CA5B: variants seen among roughly 807,000 people sequenced by gnomAD.
CA5B encodes the protein carbonic anhydrase 5B, mitochondrial.
Under a neutral mutation model 23.1 loss-of-function variants are expected in CA5B, and 15 were observed. That is an observed-to-expected ratio of 0.65 (90% CI 0.43 to 1.00). CA5B has a LOEUF of 1.00. CA5B is among the 50% of genes least tolerant of loss of function. The pLI, the probability that CA5B is intolerant of heterozygous loss-of-function variation, is 0.00. For synonymous variants in CA5B, 84 were observed against 98.5 expected (o/e 0.85, Z 0.87); for missense variants, 236 against 252.2 (o/e 0.94, Z 0.43).
At chrX:15,780,248 T>C (rs755261528) in intron 7 of CA5B, among the ~76,000 whole-genome samples, 1 of 106,876 alleles carries the variant, frequency 9.4e-6, no homozygotes, top group Non-Finnish European at 1.9e-5. Context: ...ACCATTTTGC[T>C]GCTCTTTTCA....
chrX:15,757,639 T>C (rs1218676664), intron 2 of CA5B, among the ~76,000 whole-genome samples: 5 of 102,408 alleles, frequency 4.9e-5, no homozygotes, highest in Non-Finnish European at 9.9e-5. Flanking sequence ...ACGCAGGAGG[T>C]GGAGGTTGCA....
intron 2 of CA5B, among the ~76,000 whole-genome samples, chrX:15,758,949 G>A (rs1350365063): frequency 9.0e-6 from 1 of 111,727 alleles, no homozygotes; most frequent in African/African-American, 3.3e-5. Flanking sequence ...AGACACATAC[G>A]CATATAATTA....
chrX:15,752,437 A>G (rs1170381037), intron 2 of CA5B, among the ~76,000 whole-genome samples: 1 of 112,344 alleles, frequency 8.9e-6, no homozygotes, highest in Admixed American at 9.4e-5. Flanking sequence ...TCTGTAAAGA[A>G]TCTCTGGGCC....
intron 1 of CA5B, among the ~76,000 whole-genome samples, chrX:15,743,656 G>A (rs752085269): frequency 8.9e-6 from 1 of 111,850 alleles, no homozygotes; most frequent in Non-Finnish European, 1.9e-5. Flanking sequence ...AACCATCACT[G>A]CTTTCTCCTG....
intron 3 of CA5B, among the ~76,000 whole-genome samples, chrX:15,768,306 C>T (rs767623970): frequency 9.0e-6 from 1 of 111,093 alleles, no homozygotes; most frequent in South Asian, 3.9e-4. Context: ...CCGAGCCAGG[C>T]CTCAAGAATT....
chrX:15,769,240 G>A (rs1160629084), intron 3 of CA5B, among the ~76,000 whole-genome samples: 3 of 111,437 alleles, frequency 2.7e-5, no homozygotes, highest in African/African-American at 9.8e-5. Flanking sequence ...CTAAACTCTG[G>A]AATGAAAGAG....
chrX:15,760,613 G>A (rs1416865942), intron 2 of CA5B, among the ~76,000 whole-genome samples: 1 of 111,494 alleles, frequency 9.0e-6, no homozygotes, highest in Non-Finnish European at 1.9e-5. Context: ...GATGACCAAG[G>A]CGTCGTCTTA....
At chrX:15,763,530 C>T (rs1931646223) in intron 2 of CA5B, among the ~76,000 whole-genome samples, 1 of 112,168 alleles carries the variant, frequency 8.9e-6, no homozygotes, top group African/African-American at 3.2e-5. Flanking sequence ...TGCAAGATGC[C>T]AAAATGCTAT....
At chrX:15,743,510 A>G (rs939487049) in intron 1 of CA5B, among the ~76,000 whole-genome samples, 4 of 112,184 alleles carry the variant, frequency 3.6e-5, no homozygotes, top group South Asian at 3.7e-4. Context: ...TAGATGTTCA[A>G]TTGATATCTT....
chrX:15,788,034 A>C lies in CA5B; in HGVS notation c.*5370A>C, dbSNP rs1039857039. Reference sequence around the variant, plus strand: ...GCAATTCTCAGCGTAAATTCTGATCACAGGGACCAGCAAAATTGGTGAGTT... The same window carrying C: ...GCAATTCTCAGCGTAAATTCTGATCCCAGGGACCAGCAAAATTGGTGAGTT... On this transcript the variant is annotated 3_prime_UTR_variant, in exon 8 of 8. Transcript: ENST00000318636. The C allele has an allele frequency of 4.4e-5, 5 of 112,669 alleles. No individual in the cohort carries two copies. The highest frequency in any genetic ancestry group is 1.6e-4 in the African/African-American group (5 of 31,034). 9.3% of individuals were successfully genotyped at this position (112,669 alleles called of 1,213,427 possible). A position where few individuals can be genotyped will look rare whatever the true frequency, so the allele number is the denominator to read the frequency against.
rs900384673 is a variant in CA5B at position 15,748,712 on chromosome X, C to A, written c.-53-1259C>A. Reference sequence around the variant, plus strand: ...AGCCCAGGTAATATAGTGAGAACCCCCCCCCCCGCCCCCGCCAACCCCCAT... The same window carrying A: ...AGCCCAGGTAATATAGTGAGAACCCACCCCCCCGCCCCCGCCAACCCCCAT... On this transcript the variant is annotated intron_variant, in intron 1 of 7. Transcript: ENST00000318636. 7.0e-3 allele frequency among the ~76,000 whole-genome samples: 570 copies of A among 81,444 alleles called. 15 individuals carry two copies. Among genetic ancestry groups the A allele is most frequent in the African/African-American group, 0.026 (554 of 21,034 alleles). The allele number at this position is 81,444 out of a possible 115,157, so 70.7% of individuals were successfully genotyped here. A position where few individuals can be genotyped will look rare whatever the true frequency, so the allele number is the denominator to read the frequency against.
chrX:15,739,776 C>G (rs1226926356), intron 1 of CA5B, among the ~76,000 whole-genome samples: 1 of 111,473 alleles, frequency 9.0e-6, no homozygotes, highest in Admixed American at 9.6e-5. Flanking sequence ...GATCATGCTC[C>G]CAGGGAAGAA....
chrX:15,775,624 C>G, intron 6 of CA5B: 1 of 803,590 alleles, frequency 1.2e-6, no homozygotes, highest in Non-Finnish European at 1.5e-6. Flanking sequence ...TGTTCTGTAG[C>G]TGCCATCCCA....
chrX:15,783,016 C>A lies in CA5B; in HGVS notation c.*352C>A. ...GCCTTAGCCTCTAGAGTAGCTGGGG[C>A]TACAGGTGCTGGCCGCCTGGCCCAG... On this transcript the variant is annotated 3_prime_UTR_variant, in exon 8 of 8. Transcript: ENST00000318636. 1 of 180,940 alleles carries A rather than the reference C, an allele frequency of 5.5e-6. No individual in the cohort carries two copies. The highest frequency in any genetic ancestry group is 1.0e-5 in the Non-Finnish European group (1 of 97,095). The allele number at this position is 180,940 out of a possible 1,213,427, so 14.9% of individuals were successfully genotyped here.
rs962647656 is a variant in CA5B, at chrX:15,782,809, T to G, written c.*145T>G. On this transcript the variant is annotated 3_prime_UTR_variant, in exon 8 of 8. Transcript: ENST00000318636. ...AGCATGAGAGTGCTTCATCAGTCTT[T>G]GAGGAAGGCTATTCGGTACCAGCAA... 9.2e-6 allele frequency: 4 copies of G among 433,834 alleles called. No individual in the cohort carries two copies. Among genetic ancestry groups the G allele is most frequent in the Non-Finnish European group, 1.5e-5 (4 of 260,906 alleles). 35.8% of individuals were successfully genotyped at this position (433,834 alleles called of 1,213,427 possible).
At chrX:15,782,303 C>T (rs1932038659) in intron 7 of CA5B, among the ~76,000 whole-genome samples, 182 bp from the exon 8 acceptor site, 1 of 112,771 alleles carries the variant, frequency 8.9e-6, no homozygotes, top group Admixed American at 9.4e-5. Flanking sequence ...ATCAGGATCA[C>T]CACCACCACT....
At chrX:15,777,919 A>G (rs1931960435) in intron 7 of CA5B, among the ~76,000 whole-genome samples, 1 of 111,580 alleles carries the variant, frequency 9.0e-6, no homozygotes, top group South Asian at 3.7e-4. Context: ...ACATTCTGGA[A>G]GTAGCCAGTA....
chrX:15,753,773 G>C (rs749203024), intron 2 of CA5B, among the ~76,000 whole-genome samples: 3 of 111,850 alleles, frequency 2.7e-5, no homozygotes, highest in African/African-American at 9.7e-5. Flanking sequence ...GCCAGGTGTG[G>C]TGGTATGCAC....
chrX:15,753,780 G>C (rs1391858387), intron 2 of CA5B, among the ~76,000 whole-genome samples: 4 of 111,788 alleles, frequency 3.6e-5, no homozygotes, highest in Non-Finnish European at 7.5e-5. Flanking sequence ...GTGGTGGTAT[G>C]CACCTGTAAT....
Sources: allele counts gnomAD v4.1 joint callset (sites outside exome capture counted in the v4.1 genomes callset), GRCh38; gene constraint gnomAD v4.1.1; transcripts MANE v1.5; gene names NCBI Gene and HGNC (gene_info 2026-07-23, HGNC 2026-07-21).